The following SLC31A2 variants were observed in gnomAD, a reference collection of about 807,000 sequenced individuals.
The protein encoded by SLC31A2 is solute carrier family 31 member 2, also known as protein SLC31A2.
SLC31A2 carries 16 observed loss-of-function variants against 14.4 expected under a neutral mutation model. The ratio of observed to expected loss-of-function variants is 1.11; its 90% CI spans 0.75 to 1.69. SLC31A2 has a LOEUF of 1.69. SLC31A2 is among the 40% of genes most tolerant of loss of function. The pLI is 0.00. For synonymous variants in SLC31A2, 56 were observed against 68.7 expected, an observed-to-expected ratio of 0.82 and a Z score of 0.91; for missense variants, 140 against 173.9, an observed-to-expected ratio of 0.81 and a Z score of 1.10.
At chr9:113,161,778 C>T (rs749752433) in intron 3 of SLC31A2, 80 bp downstream of exon 3, 2 of 1,487,332 alleles carry the variant, frequency 1.3e-6, no homozygotes, top group East Asian at 4.5e-5. Flanking sequence ...AGCATTAGCC[C>T]CACTTCACAG....
chr9:113,156,059 A>T (rs771973318), intron 1 of SLC31A2: 10 of 518,930 alleles, frequency 1.9e-5, no homozygotes, highest in South Asian at 1.3e-4. Flanking sequence ...TCTGGTTTCC[A>T]GGAGGCTACA....
At chr9:113,152,121 G>A (rs1829875262) in intron 1 of SLC31A2, 1 of 152,210 alleles carries the variant, frequency 6.6e-6, no homozygotes, top group South Asian at 2.1e-4. Context: ...AAATAAGGAA[G>A]CTTTTCTCAA....
Position 113,163,168 on chromosome 9 carries a change from A to G in SLC31A2, c.*251A>G, listed in dbSNP as rs1339995791. 6 of 323,632 alleles carry G rather than the reference A, an allele frequency of 1.9e-5. No individual in the cohort carries two copies. The highest frequency in any genetic ancestry group is 1.6e-4 in the East Asian group (3 of 19,342). 20.0% of individuals were successfully genotyped at this position (323,632 alleles called of 1,614,324 possible). A position where few individuals can be genotyped will look rare whatever the true frequency, so the allele number is the denominator to read the frequency against. The stretch of plus-strand genomic sequence containing the variant: ...TAAGACAGCTGCTGTGACCAAAGGG[A>G]GAATGGAGATAACAGGGGTGGCAGG... On this transcript the variant is annotated 3_prime_UTR_variant, in exon 4 of 4. Transcript: ENST00000259392.
At chr9:113,158,540 C>G (rs140956610) in intron 2 of SLC31A2, among the ~76,000 whole-genome samples, 1 of 152,128 alleles carries the variant, frequency 6.6e-6, no homozygotes, top group Admixed American at 6.5e-5. Flanking sequence ...CAAACAGTGG[C>G]TGGAAGTAGG....
rs781361080 is a variant in SLC31A2, at chr9:113,162,933, C to A, written c.*16C>A. On this transcript the variant is annotated 3_prime_UTR_variant, in exon 4 of 4. Transcript: ENST00000259392. ...CACAGCTTAGCTGGTGAGGAACGTGCAGGCACTGAGGCTGGAGGGACATGG... is the reference window on the plus strand; with the variant it reads ...CACAGCTTAGCTGGTGAGGAACGTGAAGGCACTGAGGCTGGAGGGACATGG... 1.9e-6 allele frequency: 3 copies of A among 1,586,952 alleles called. No homozygotes were observed. Among genetic ancestry groups the A allele is most frequent in the African/African-American group, 1.4e-5 (1 of 73,888 alleles).
chr9:113,157,277 T>C (rs972421023), intron 1 of SLC31A2, among the ~76,000 whole-genome samples: 1 of 152,158 alleles, frequency 6.6e-6, no homozygotes, highest in Non-Finnish European at 1.5e-5. Context: ...CCCTCCACGA[T>C]AAACACTGTG....
intron 1 of SLC31A2, among the ~76,000 whole-genome samples, 187 bp from the exon 2 acceptor site, chr9:113,157,540 C>T (rs2118830234): frequency 6.6e-6 from 1 of 152,316 alleles, no homozygotes; most frequent in Middle Eastern, 3.4e-3. Flanking sequence ...TATAGCTCTG[C>T]TGCTGACCCT....
At position 113,162,804 on chromosome 9, in the gene SLC31A2, G is replaced by T; in HGVS notation, c.319G>T (p.Gly107Cys). 6.2e-7 allele frequency: 1 copy of T among 1,613,606 alleles called. No homozygotes were observed. The highest frequency in any genetic ancestry group is 8.5e-7 in the Non-Finnish European group (1 of 1,179,752). The change falls in exon 4 of 4, where the codon GGC becomes TGC. Residue 107 changes from glycine to cysteine, a missense_variant. Gly to Cys is a radical substitution (Grantham distance 159, BLOSUM62 -3). Transcript: ENST00000259392. ...AATCCATGTCATCCAGGTGGTCATCGGCTACTTCATCATGCTGGCCGTAAT... is the reference window on the plus strand; with the variant it reads ...AATCCATGTCATCCAGGTGGTCATCTGCTACTTCATCATGCTGGCCGTAAT... Reference protein sequence around the residue: ...SLIHVIQVVIGYFIMLAVMSY... With the variant: ...SLIHVIQVVICYFIMLAVMSY...
chr9:113,158,354 C>T (rs567501705), intron 2 of SLC31A2, among the ~76,000 whole-genome samples: 22 of 152,280 alleles, frequency 1.4e-4, no homozygotes, highest in African/African-American at 4.3e-4. Context: ...CCCATTATTG[C>T]GGGTGCAGAT....
At chr9:113,162,108 C>G (rs4073133) in intron 3 of SLC31A2, 1 of 336,046 alleles carries the variant, frequency 3.0e-6, no homozygotes, top group African/African-American at 2.2e-5. Flanking sequence ...AAGCTCTCCT[C>G]TCCTCCCTTC....
chr9:113,161,601 G>A lies in SLC31A2; in HGVS notation c.166G>A (p.Val56Met). The change falls in exon 3 of 4, where the codon GTG (valine) becomes ATG (methionine). Residue 56 changes from valine (V) to methionine (M), a missense_variant. Coordinates refer to ENST00000259392, the MANE Select transcript of SLC31A2 (RefSeq NM_001860.3). ...GKAKLLNQVL[V>M]NLPTSISQQT... ...AGCCAAGCTGCTCAACCAGGTACTGGTGAACCTGCCAACCTCCATCAGCCA... is the reference window on the plus strand; with the variant it reads ...AGCCAAGCTGCTCAACCAGGTACTGATGAACCTGCCAACCTCCATCAGCCA... The A allele has an allele frequency of 6.2e-7, 1 of 1,614,032 alleles. No individual in the cohort carries two copies. Among genetic ancestry groups the A allele is most frequent in the East Asian group, 2.2e-5 (1 of 44,882 alleles).
chr9:113,157,072 C>T (rs962252477), intron 1 of SLC31A2, among the ~76,000 whole-genome samples: 1 of 152,188 alleles, frequency 6.6e-6, no homozygotes, highest in African/African-American at 2.4e-5. Flanking sequence ...GGAGCAAGCA[C>T]CCTCTGAAAA....
rs1036317564 is a variant in SLC31A2 at position 113,163,059 on chromosome 9, A to C, written c.*142A>C. 1.9e-5 allele frequency: 15 copies of C among 780,388 alleles called. No homozygotes were observed. The highest frequency in any genetic ancestry group is 2.9e-5 in the Non-Finnish European group (15 of 523,316). 48.3% of individuals were successfully genotyped at this position (780,388 alleles called of 1,614,324 possible). A position where few individuals can be genotyped will look rare whatever the true frequency, so the allele number is the denominator to read the frequency against. On this transcript the variant is annotated 3_prime_UTR_variant, in exon 4 of 4. Transcript: ENST00000259392. ...CTGGAAACTTTGAGCTGAAGCCAGC[A>C]CTTGCTCCCTGGAGTTCGGAAGCCA...
At chr9:113,158,907 T>G (rs1219900377) in intron 2 of SLC31A2, among the ~76,000 whole-genome samples, 2 of 151,900 alleles carry the variant, frequency 1.3e-5, no homozygotes, top group Non-Finnish European at 2.9e-5. Context: ...TACATTGGAG[T>G]GGCTGTCTTT....
At chr9:113,160,070 G>C (rs1041516846) in intron 2 of SLC31A2, among the ~76,000 whole-genome samples, 2 of 152,070 alleles carry the variant, frequency 1.3e-5, no homozygotes, top group African/African-American at 4.8e-5. Flanking sequence ...CCAGCTACTT[G>C]GGAGGCTGAG....
chr9:113,156,276 C>T (rs754583943), intron 1 of SLC31A2: 25 of 411,204 alleles, frequency 6.1e-5, no homozygotes, highest in South Asian at 2.9e-4. Context: ...TAAGGAGGTC[C>T]GGCAAATCCT....
rs1244697714 is a variant in SLC31A2, at chr9:113,163,654, T to A, written c.*737T>A. 1 of 149,882 alleles carries A rather than the reference T, an allele frequency of 6.7e-6. No individual in the cohort carries two copies. Among genetic ancestry groups the A allele is most frequent in the Non-Finnish European group, 1.5e-5 (1 of 66,656 alleles). The allele number at this position is 149,882 out of a possible 1,614,324, so 9.3% of individuals were successfully genotyped here. On this transcript the variant is annotated 3_prime_UTR_variant, in exon 4 of 4. Coordinates refer to ENST00000259392, the MANE Select transcript of SLC31A2 (RefSeq NM_001860.3). ...CAGAGACACAGGACTGCTTTCAGGC[T>A]CCTGGTTTATTCTCTGATAGACTGA...
At chr9:113,159,588 CCA>C (rs1286000485) in intron 2 of SLC31A2, among the ~76,000 whole-genome samples, 3 of 152,206 alleles carry the variant, frequency 2.0e-5, no homozygotes, top group Admixed American at 1.3e-4. Flanking sequence ...TTCCTACGCT[CCA>C]CACACTTCTG....
rs745536512 is a variant in SLC31A2, at chr9:113,161,522, G to A, written c.87G>A (p.Ser29=). The A allele has an allele frequency of 1.3e-5, 21 of 1,613,822 alleles. No individual in the cohort carries two copies. The highest frequency in any genetic ancestry group is 3.3e-5 in the Admixed American group (2 of 60,000). The change falls in exon 3 of 4, where the codon TCG becomes TCA. Residue 29 remains serine, a synonymous_variant. Coordinates refer to ENST00000259392, the MANE Select transcript of SLC31A2 (RefSeq NM_001860.3). ...SVHSPAGMAL[S]VLVLLLLAVL... is the part of the protein sequence containing the mutation. ...CTCCTTTGACAGGCATGGCCCTTTC[G>A]GTGTTGGTGCTCCTGCTTCTGGCTG...
Sources: gnomAD v4.1 joint callset for allele counts (sites outside exome capture counted in the v4.1 genomes callset) on GRCh38, gnomAD v4.1.1 for gene constraint, MANE v1.5 for transcripts, NCBI Gene and HGNC (gene_info 2026-07-23, HGNC 2026-07-21) for gene names.